The following FBXL19 variants were observed in gnomAD, a reference collection of about 807,000 sequenced individuals.
FBXL19 encodes F-box/LRR-repeat protein 19.
FBXL19 carries 16 observed loss-of-function variants against 71.2 expected under a neutral mutation model. The observed-to-expected ratio is 0.22, with a 90% CI of 0.15 to 0.34. The LOEUF is 0.34. FBXL19 is among the 10% of genes least tolerant of loss of function. The probability of loss-of-function intolerance (pLI) is 1.00; values close to 1 mark genes in which losing one functional copy is unlikely to be tolerated. For synonymous variants in FBXL19, 447 were observed against 409.4 expected (o/e 1.09, Z -1.11); for missense variants, 658 against 968.2 (o/e 0.68, Z 4.25).
intron 2 of FBXL19, 126 bp downstream of exon 2, chr16:30,926,057 A>C (rs1268723437): frequency 7.5e-7 from 1 of 1,327,616 alleles, no homozygotes; most frequent in Non-Finnish European, 9.6e-7. Flanking sequence ...TCTTCCCTTC[A>C]TTCACTAGTT....
Position 30,947,458 on chromosome 16 carries a change from T to C in FBXL19, c.*228T>C, listed in dbSNP as rs2055873038. The C allele has an allele frequency of 1.8e-6, 1 of 559,812 alleles. No individual in the cohort carries two copies. Among genetic ancestry groups the C allele is most frequent in the African/African-American group, 1.9e-5 (1 of 52,964 alleles). 34.7% of individuals were successfully genotyped at this position (559,812 alleles called of 1,614,324 possible). On this transcript the variant is annotated 3_prime_UTR_variant, in exon 11 of 11. Coordinates refer to ENST00000338343, the MANE Select transcript of FBXL19 (RefSeq NM_001382779.1). ...TGTCCTGCCCCTGCTACCTGCTTCATTGTCCATCCCCTGGGGGAGTGGGTC... is the reference window on the plus strand; with the variant it reads ...TGTCCTGCCCCTGCTACCTGCTTCACTGTCCATCCCCTGGGGGAGTGGGTC...
chr16:30,925,830 G>A lies in FBXL19; in HGVS notation c.76G>A (p.Val26Met). 1.3e-6 allele frequency: 2 copies of A among 1,512,056 alleles called. No individual in the cohort carries two copies. Among genetic ancestry groups the A allele is most frequent in the Non-Finnish European group, 8.8e-7 (1 of 1,133,642 alleles). 93.7% of individuals were successfully genotyped at this position (1,512,056 alleles called of 1,614,324 possible). A position where few individuals can be genotyped will look rare whatever the true frequency, so the allele number is the denominator to read the frequency against. The change falls in exon 2 of 11, where the codon GTG becomes ATG. Residue 26 changes from valine (V) to methionine (M), a missense_variant. Around this residue, in one of 8 missense-constraint regions of FBXL19, gnomAD observed 33 missense variants for 75.4 expected, o/e 0.44. Transcript: ENST00000338343. The surrounding 1 kb of genome is among the most constrained non-coding windows in gnomAD (Gnocchi z 5.0). ...RTRCRRCRAC[V>M]RTECGDCHFC... ...CCGCTGCCGCCGCTGCCGGGCCTGT[G>A]TGCGAACTGAGTGCGGGGATTGCCA...
intron 1 of FBXL19, chr16:30,924,774 A>G: frequency 6.7e-7 from 1 of 1,483,728 alleles, no homozygotes. Context: ...CTGGGGTAAG[A>G]CTGACTGGGA....
At chr16:30,929,192 G>A (rs573811538) in intron 6 of FBXL19, among the ~76,000 whole-genome samples, 1 of 152,298 alleles carries the variant, frequency 6.6e-6, no homozygotes, top group East Asian at 1.9e-4. Flanking sequence ...CCGCCTGATT[G>A]GGTCCAAATC....
Position 30,930,359 on chromosome 16 carries a change from G to A in FBXL19, c.1076G>A (p.Gly359Glu). 1.9e-6 allele frequency: 3 copies of A among 1,572,010 alleles called. No homozygotes were observed. The highest frequency in any genetic ancestry group is 2.6e-6 in the Non-Finnish European group (3 of 1,162,822). Residue 359 changes from glycine (G) to glutamate (E), a missense_variant, in exon 7 of 11, where the codon GGG (glycine) becomes GAG (glutamate). By Grantham distance (98) the Gly-to-Glu change is moderately conservative (BLOSUM62 -2). Coordinates refer to ENST00000338343, the MANE Select transcript of FBXL19 (RefSeq NM_001382779.1). The surrounding 1 kb of genome is among the most constrained non-coding windows in gnomAD (Gnocchi z 8.5). Reference sequence around the variant, plus strand: ...CGGGCTGTGCGCCCTGGCAGTGGGGGGCCCCTACTCAGCTGGCCCCTGGGC... The same window carrying A: ...CGGGCTGTGCGCCCTGGCAGTGGGGAGCCCCTACTCAGCTGGCCCCTGGGC... ...GRRAVRPGSG[G>E]PLLSWPLGPA...
At position 30,925,242 on chromosome 16, in the gene FBXL19, G is replaced by A. The variant is rs1221017882; in HGVS notation, c.-24-489G>A. On this transcript the variant is annotated intron_variant, in intron 1 of 10. Coordinates refer to ENST00000338343, the MANE Select transcript of FBXL19 (RefSeq NM_001382779.1). This position sits in a 1 kb window ranked among gnomAD's most constrained non-coding sequence, Gnocchi z 5.0. The stretch of plus-strand genomic sequence containing the variant: ...ATGAAAAGGTTGGTGGGGCGGGGGG[G>A]AGGAAAAGTCCGGAGCTTCCGTCTA... 6.6e-6 allele frequency among the ~76,000 whole-genome samples: 1 copy of A among 151,340 alleles called. No homozygotes were observed. Among genetic ancestry groups the A allele is most frequent in the East Asian group, 2.0e-4 (1 of 5,102 alleles).
Position 30,928,524 on chromosome 16 carries a change from C to G in FBXL19, c.685C>G (p.Arg229Gly), listed in dbSNP as rs369163910. 8.1e-6 allele frequency: 13 copies of G among 1,607,982 alleles called. No individual in the cohort carries two copies. In the East Asian group the frequency reaches 1.4e-4, roughly 17 times the overall value. ...KKVGGDACLL[R>G]GSDPGGPGLL... ...GGTGGGTGGAGACGCCTGCCTCCTC[C>G]GAGGATCGGACCCAGGCGGCCCGGG... The change falls in exon 6 of 11, where the codon CGA becomes GGA. Residue 229 changes from arginine to glycine, a missense_variant. Coordinates refer to ENST00000338343, the MANE Select transcript of FBXL19 (RefSeq NM_001382779.1).
At chr16:30,935,974 C>A (rs1464744543) in intron 7 of FBXL19, among the ~76,000 whole-genome samples, 1 of 152,192 alleles carries the variant, frequency 6.6e-6, no homozygotes, top group African/African-American at 2.4e-5. Flanking sequence ...CTGTCGCCCT[C>A]ACAACAGACG....
Position 30,927,373 on chromosome 16 carries a change from GGGAGAGGAA to G in FBXL19, c.245_253del (p.Gly82_Glu84del). On this transcript the variant is annotated inframe_deletion, in exon 3 of 11. Transcript: ENST00000338343. ...AGGCTGGGAAGGAGGACACGGTGGA[GGGAGAGGAA>G]GAGAAATTTGGTTTGAGCCTCATGG... 2 of 1,592,932 alleles carry G rather than the reference GGGAGAGGAA, an allele frequency of 1.3e-6. No individual in the cohort carries two copies. Among genetic ancestry groups the G allele is most frequent in the Non-Finnish European group, 1.7e-6 (2 of 1,169,652 alleles).
intron 5 of FBXL19, 56 bp from the exon 6 acceptor site, chr16:30,928,411 C>G: frequency 1.4e-6 from 2 of 1,465,670 alleles, no homozygotes; most frequent in Non-Finnish European, 1.8e-6. Context: ...ATTTCTGGCC[C>G]ATGAGGGCCT....
chr16:30,947,468 C>A lies in FBXL19; in HGVS notation c.*238C>A. On this transcript the variant is annotated 3_prime_UTR_variant, in exon 11 of 11. Transcript: ENST00000338343. ...CTGCTACCTGCTTCATTGTCCATCCCCTGGGGGAGTGGGTCAGAGGTACTG... is the reference window on the plus strand; with the variant it reads ...CTGCTACCTGCTTCATTGTCCATCCACTGGGGGAGTGGGTCAGAGGTACTG... 1 of 553,758 alleles carries A rather than the reference C, an allele frequency of 1.8e-6. No homozygotes were observed. Among genetic ancestry groups the A allele is most frequent in the Non-Finnish European group, 3.2e-6 (1 of 309,208 alleles). The allele number at this position is 553,758 out of a possible 1,614,324, so 34.3% of individuals were successfully genotyped here.
rs572093365 is a variant in FBXL19, at chr16:30,926,868, T to C, written c.178-440T>C. Among the ~76,000 whole-genome samples the C allele has an allele frequency of 4.8e-4, 73 of 152,288 alleles. 1 individual carries two copies. The highest frequency in any genetic ancestry group is 8.5e-4 in the Non-Finnish European group (58 of 68,028). On this transcript the variant is annotated intron_variant, in intron 2 of 10. Transcript: ENST00000338343. ...GGTCTTGCCAAAACCGGATTCATTG[T>C]GGGATTCAGAGCAACCCTTGGGCTG...
At chr16:30,929,966 C>A in intron 6 of FBXL19, 107 bp from the exon 7 acceptor site, 1 of 1,452,234 alleles carries the variant, frequency 6.9e-7, no homozygotes. Flanking sequence ...AGGGCTGGAA[C>A]TCAGGACTGT....
Position 30,947,314 on chromosome 16 carries a change from C to T in FBXL19, c.*84C>T. ...CACCCCTGCTGGGAGGCCAGGTTCC[C>T]ACCTCACCACCCTGGGATTCCTGAG... is the stretch of plus-strand genomic sequence containing the variant. On this transcript the variant is annotated 3_prime_UTR_variant, in exon 11 of 11. Coordinates refer to ENST00000338343, the MANE Select transcript of FBXL19 (RefSeq NM_001382779.1). 5 of 1,175,838 alleles carry T rather than the reference C, an allele frequency of 4.3e-6. No homozygotes were observed. The highest frequency in any genetic ancestry group is 1.6e-5 in the South Asian group (1 of 63,132). The allele number at this position is 1,175,838 out of a possible 1,614,324, so 72.8% of individuals were successfully genotyped here.
chr16:30,929,854 G>A (rs2055648798), intron 6 of FBXL19, among the ~76,000 whole-genome samples: 1 of 152,176 alleles, frequency 6.6e-6, no homozygotes, highest in East Asian at 1.9e-4. Flanking sequence ...GCGCCCGGCT[G>A]GAAATTATTT....
At chr16:30,943,060 G>A (rs934024490) in intron 9 of FBXL19, among the ~76,000 whole-genome samples, 12 of 152,250 alleles carry the variant, frequency 7.9e-5, no homozygotes, top group Non-Finnish European at 1.6e-4. Context: ...CCCCCAGCAC[G>A]TTCTCAGTGG....
rs937969932 is a variant in FBXL19, at chr16:30,946,222, G to A, written c.1628-508G>A. Among the ~76,000 whole-genome samples the A allele has an allele frequency of 9.9e-5, 15 of 152,062 alleles. No individual in the cohort carries two copies. The highest frequency in any genetic ancestry group is 6.6e-4 in the Admixed American group (10 of 15,266). ...TTTTATTTATTTATTTATTTATTTT[G>A]AGATGGAGTCTCGCTCTGTTGCCCA... On this transcript the variant is annotated intron_variant, in intron 9 of 10. Transcript: ENST00000338343. The surrounding 1 kb of genome is among the most constrained non-coding windows in gnomAD (Gnocchi z 6.7).
chr16:30,931,018 T>G (rs1295073457), intron 7 of FBXL19, among the ~76,000 whole-genome samples: 2 of 152,102 alleles, frequency 1.3e-5, no homozygotes, highest in African/African-American at 4.8e-5. Context: ...AGTCTGACGA[T>G]TGGTTCCATT....
rs2055860358 is a variant in FBXL19 at position 30,946,535 on chromosome 16, G to A, written c.1628-195G>A. Reference sequence around the variant, plus strand: ...TTGTAGTCTCAAATACAATAATCATGGAAGGCCTCCGAGGAGGTGATGTGA... The same window carrying A: ...TTGTAGTCTCAAATACAATAATCATAGAAGGCCTCCGAGGAGGTGATGTGA... On this transcript the variant is annotated intron_variant, in intron 9 of 10. Transcript: ENST00000338343. This position sits in a 1 kb window ranked among gnomAD's most constrained non-coding sequence, Gnocchi z 6.7. 6.6e-6 allele frequency among the ~76,000 whole-genome samples: 1 copy of A among 152,222 alleles called. No individual in the cohort carries two copies. The highest frequency in any genetic ancestry group is 6.5e-5 in the Admixed American group (1 of 15,280).
Sources: allele counts gnomAD v4.1 joint callset (sites outside exome capture counted in the v4.1 genomes callset), GRCh38; gene constraint gnomAD v4.1.1; regional missense constraint gnomAD v4.1.1; non-coding constraint Gnocchi (gnomAD v3.1); transcripts MANE v1.5; gene names NCBI Gene and HGNC (gene_info 2026-07-23, HGNC 2026-07-21).